The following JMJD6 variants were observed in gnomAD, a reference collection of about 807,000 sequenced individuals.
JMJD6 encodes jumonji domain containing 6, arginine demethylase and lysine hydroxylase, also known as bifunctional arginine demethylase and lysyl-hydroxylase JMJD6.
Under a neutral mutation model 45.8 loss-of-function variants are expected in JMJD6, and 17 were observed. The observed-to-expected ratio is 0.37, with a 90% CI of 0.25 to 0.56. JMJD6 has a LOEUF of 0.56. JMJD6 is among the 20% of genes least tolerant of loss of function. JMJD6 has a pLI of 0.79. For missense variants in JMJD6, 470 were observed against 517.5 expected, an observed-to-expected ratio of 0.91 and a Z score of 0.89; for synonymous variants, 221 against 196.3, an observed-to-expected ratio of 1.13 and a Z score of -1.05.
chr17:76,720,244 G>A lies in JMJD6; in HGVS notation c.1080+116C>T, dbSNP rs114742675. ...ACAACTGTGTAACCCTTAGAACAACGTGGAAAAACTTTCATATCCTTCTCC... is the reference window on the plus strand; with the variant it reads ...ACAACTGTGTAACCCTTAGAACAACATGGAAAAACTTTCATATCCTTCTCC... On this transcript the variant is annotated intron_variant, in intron 5 of 5. Coordinates refer to ENST00000397625, the MANE Select transcript of JMJD6 (RefSeq NM_015167.3). 2.9e-3 allele frequency: 2,803 copies of A among 967,220 alleles called. 29 individuals carry two copies. The highest frequency in any genetic ancestry group is 0.018 in the African/African-American group (1,107 of 62,014). The allele number at this position is 967,220 out of a possible 1,614,324, so 59.9% of individuals were successfully genotyped here.
At chr17:76,719,327 C>T (rs575166597) in intron 5 of JMJD6, among the ~76,000 whole-genome samples, 19 of 152,044 alleles carry the variant, frequency 1.2e-4, no homozygotes, top group Non-Finnish European at 1.8e-4. Context: ...CTTACTCTGT[C>T]GCCCAGGCTG....
intron 4 of JMJD6, 39 bp from the exon 5 acceptor site, chr17:76,720,537 C>T (rs184306611): frequency 4.8e-4 from 767 of 1,605,796 alleles, no homozygotes; most frequent in Non-Finnish European, 4.6e-4. Context: ...GCACTGACAG[C>T]CATACCCACT....
chr17:76,716,757 C>T (rs147380324), downstream of JMJD6: 57 of 1,611,376 alleles, frequency 3.5e-5, no homozygotes, highest in Admixed American at 6.7e-5. Flanking sequence ...GTAATCAGCA[C>T]GTAGACAGCA....
chr17:76,717,832 TA>T (rs66867045), downstream of JMJD6, among the ~76,000 whole-genome samples: 84,782 of 150,238 alleles, frequency 0.56, 23,940 homozygotes, highest in African/African-American at 0.61. Flanking sequence ...CTACTAAAAA[TA>T]AAAAAAAATT....
At position 76,719,418 on chromosome 17, in the gene JMJD6, A is replaced by G. The variant is rs866503424; in HGVS notation, c.1081-558T>C. 5.9e-5 allele frequency among the ~76,000 whole-genome samples: 9 copies of G among 152,212 alleles called. No individual in the cohort carries two copies. The Middle Eastern group carries it at 0.031, about 518-fold the overall frequency. On this transcript the variant is annotated intron_variant, in intron 5 of 5. Coordinates refer to ENST00000397625, the MANE Select transcript of JMJD6 (RefSeq NM_015167.3). ...ATTCTCCCACCTCAGCCTCCTGAGT[A>G]GCTGGGATTACAGGTGTGCACCACC...
At chr17:76,726,320 C>G in intron 1 of JMJD6, 27 bp downstream of exon 1, 1 of 1,543,946 alleles carries the variant, frequency 6.5e-7, no homozygotes, top group Non-Finnish European at 8.7e-7. Flanking sequence ...GATGCCCGGC[C>G]TGGCCACCCC....
downstream of JMJD6, among the ~76,000 whole-genome samples, chr17:76,717,822 C>G (rs915681598): frequency 4.9e-5 from 6 of 121,932 alleles, no homozygotes; most frequent in Middle Eastern, 4.2e-3. Context: ...AACCCTGTCT[C>G]TACTAAAAAT....
chr17:76,716,658 G>A, downstream of JMJD6: 1 of 1,612,266 alleles, frequency 6.2e-7, no homozygotes, highest in South Asian at 1.1e-5. Context: ...TACGCTGAAA[G>A]CACCTCAGGG....
chr17:76,723,428 T>C (rs2076853822), intron 3 of JMJD6, among the ~76,000 whole-genome samples: 1 of 137,724 alleles, frequency 7.3e-6, no homozygotes, highest in African/African-American at 2.8e-5. Context: ...AATATTGAAA[T>C]CAAAGAATGT....
chr17:76,725,955 G>T, intron 1 of JMJD6, 100 bp from the exon 2 acceptor site: 1 of 1,393,048 alleles, frequency 7.2e-7, no homozygotes, highest in Non-Finnish European at 9.5e-7. Flanking sequence ...CAAACCGAAG[G>T]AAGTTGACTC....
At chr17:76,716,476 A>T, downstream of JMJD6, 1 of 556,222 alleles carries the variant, frequency 1.8e-6, no homozygotes, top group Non-Finnish European at 3.2e-6. Flanking sequence ...TGTTTCACTG[A>T]GCTGGCCGAG....
rs1375722763 is a variant in JMJD6, at chr17:76,726,600, C to G, written c.-125G>C. On this transcript the variant is annotated 5_prime_UTR_variant, in exon 1 of 6. Transcript: ENST00000397625. ...CCAAACGCCCTTCGCTCAGTCCCGG[C>G]GCCTTTAAAGTCGCCTTCCAGAAAA... 7.5e-7 allele frequency: 1 copy of G among 1,332,090 alleles called. No individual in the cohort carries two copies. Among genetic ancestry groups the G allele is most frequent in the Non-Finnish European group, 1.0e-6 (1 of 1,004,168 alleles). The allele number at this position is 1,332,090 out of a possible 1,614,324, so 82.5% of individuals were successfully genotyped here.
In JMJD6 at chr17:76,718,630, TCAGGCCTCCCCTTGTCTGCAGGACTGGA is replaced by T. The variant is rs1426434498; in HGVS notation, c.*71_*98del. Reference sequence around the variant, plus strand: ...AGGGTGTCCTCATTCTTGGGCTCTGTCAGGCCTCCCCTTGTCTGCAGGACTGGACAGGCCACCCTCCCCAGGCCCTGCC... The same window carrying T: ...AGGGTGTCCTCATTCTTGGGCTCTGTCAGGCCACCCTCCCCAGGCCCTGCC... On this transcript the variant is annotated 3_prime_UTR_variant, in exon 6 of 6. Coordinates refer to ENST00000397625, the MANE Select transcript of JMJD6 (RefSeq NM_015167.3). 1.3e-6 allele frequency: 2 copies of T among 1,512,664 alleles called. No individual in the cohort carries two copies. The highest frequency in any genetic ancestry group is 2.8e-5 in the African/African-American group (2 of 71,604). 93.7% of individuals were successfully genotyped at this position (1,512,664 alleles called of 1,614,324 possible).
At chr17:76,720,937 C>G (rs556082443) in intron 4 of JMJD6, among the ~76,000 whole-genome samples, 1 of 152,246 alleles carries the variant, frequency 6.6e-6, no homozygotes, top group East Asian at 1.9e-4. Context: ...GATTCTATTT[C>G]TAAGAGTAGA....
downstream of JMJD6, chr17:76,716,676 CTT>C (rs779043302): frequency 6.2e-7 from 1 of 1,614,084 alleles, no homozygotes; most frequent in Non-Finnish European, 8.5e-7. Flanking sequence ...GGGAGAGTCT[CTT>C]TATCTGCTCA....
At position 76,725,511 on chromosome 17, in the gene JMJD6, A is replaced by C; in HGVS notation, c.474T>G (p.Asp158Glu). The change falls in exon 2 of 6, where the codon GAT (aspartate) becomes GAG (glutamate). Residue 158 changes from aspartate (D) to glutamate (E), a missense_variant. Asp to Glu is a conservative substitution (Grantham distance 45). This residue lies in a region of JMJD6 where 346 missense variants were observed against 339.5 expected (regional missense o/e 1.02). Coordinates refer to ENST00000397625, the MANE Select transcript of JMJD6 (RefSeq NM_015167.3). ...TCTCCCCAGCATACTGGAAAAGGTC[A>C]TCAGTGAAAAACTTTGGCACCTTGT... ...EDYKVPKFFTDDLFQYAGEKR... is the reference protein window; with the variant it reads ...EDYKVPKFFTEDLFQYAGEKR... The C allele has an allele frequency of 6.2e-7, 1 of 1,613,958 alleles. No individual in the cohort carries two copies. The highest frequency in any genetic ancestry group is 1.1e-5 in the South Asian group (1 of 91,074).
In JMJD6 at chr17:76,723,765, T is replaced by C; in HGVS notation, c.805+7A>G. The C allele has an allele frequency of 6.2e-7, 1 of 1,613,600 alleles. No homozygotes were observed. Among genetic ancestry groups the C allele is most frequent in the South Asian group, 1.1e-5 (1 of 91,076 alleles). Reference sequence around the variant, plus strand: ...AAAGAATGTACTTTCTTCCAGTTCATCTATACCTGGTACAAAGACAGTCTC... The same window carrying C: ...AAAGAATGTACTTTCTTCCAGTTCACCTATACCTGGTACAAAGACAGTCTC... On this transcript the variant is annotated splice_region_variant and intron_variant, in intron 3 of 5. Coordinates refer to ENST00000397625, the MANE Select transcript of JMJD6 (RefSeq NM_015167.3).
intron 3 of JMJD6, 106 bp downstream of exon 3, chr17:76,723,666 C>T (rs1050939927): frequency 7.5e-6 from 8 of 1,061,858 alleles, no homozygotes; most frequent in Admixed American, 2.0e-5. Context: ...TGGTCTCGAT[C>T]TCCTGACCTC....
rs1278179481 is a variant in JMJD6, at chr17:76,726,303, AG to A, written c.129+43del. On this transcript the variant is annotated intron_variant, in intron 1 of 5. Transcript: ENST00000397625. ...CCAGAGAAAGGTGCGTAGCGGCTGG[AG>A]GTGCCGATGCCCGGCCTGGCCACCC... 2.0e-6 allele frequency: 3 copies of A among 1,526,372 alleles called. No individual in the cohort carries two copies. The African/African-American group carries it at 4.3e-5, about 22-fold the overall frequency. The allele number at this position is 1,526,372 out of a possible 1,614,324, so 94.6% of individuals were successfully genotyped here. A position where few individuals can be genotyped will look rare whatever the true frequency, so the allele number is the denominator to read the frequency against.
Sources: gnomAD v4.1 joint callset for allele counts (sites outside exome capture counted in the v4.1 genomes callset) on GRCh38, gnomAD v4.1.1 for gene constraint, gnomAD v4.1.1 regional missense constraint, MANE v1.5 for transcripts, NCBI Gene and HGNC (gene_info 2026-07-23, HGNC 2026-07-21) for gene names.